ZNF236: variants seen among roughly 807,000 people sequenced by gnomAD.
ZNF236 encodes regulated by glucose.
Under a neutral mutation model 191.2 loss-of-function variants are expected in ZNF236, and 50 were observed. The observed-to-expected ratio is 0.26, with a 90% CI of 0.21 to 0.33. The LOEUF (loss-of-function observed/expected upper bound fraction) is 0.33, where lower values mean the gene tolerates loss of function less well. ZNF236 is among the 10% of genes least tolerant of loss of function. The pLI, the probability that ZNF236 is intolerant of heterozygous loss-of-function variation, is 1.00. For missense variants in ZNF236, 1,754 were observed against 2,374.5 expected (o/e 0.74, Z 5.43); for synonymous variants, 907 against 928.8 (o/e 0.98, Z 0.43).
At chr18:76,877,883 A>G (rs960832905) in intron 6 of ZNF236, 126 bp from the exon 7 acceptor site, 15 of 673,438 alleles carry the variant, frequency 2.2e-5, no homozygotes, top group Non-Finnish European at 3.2e-5. Flanking sequence ...AAAAAAGGTA[A>G]TGTTGAAGGG....
At chr18:76,844,024 G>A (rs1975602323) in intron 1 of ZNF236, among the ~76,000 whole-genome samples, 1 of 151,782 alleles carries the variant, frequency 6.6e-6, no homozygotes, top group Non-Finnish European at 1.5e-5. Flanking sequence ...AGGCTGAGGC[G>A]GCGTCAGGAG....
At chr18:76,936,033 G>A in intron 25 of ZNF236, 1 of 455,198 alleles carries the variant, frequency 2.2e-6, no homozygotes, top group Non-Finnish European at 4.4e-6. Flanking sequence ...ATCTGTGGAG[G>A]CATTGTATTT....
chr18:76,928,612 C>T (rs1599403564), intron 25 of ZNF236, among the ~76,000 whole-genome samples: 1 of 152,184 alleles, frequency 6.6e-6, no homozygotes, highest in South Asian at 2.1e-4. Context: ...CCACCTAAAA[C>T]TGGCAATCTA....
At chr18:76,871,492 T>G (rs1420508240) in intron 4 of ZNF236, among the ~76,000 whole-genome samples, 2 of 151,990 alleles carry the variant, frequency 1.3e-5, no homozygotes, top group African/African-American at 4.8e-5. Context: ...AAAAACAAAT[T>G]TTTTTTCATC....
At chr18:76,854,003 C>T (rs1344399120) in intron 3 of ZNF236, among the ~76,000 whole-genome samples, 2 of 149,624 alleles carry the variant, frequency 1.3e-5, no homozygotes, top group Non-Finnish European at 3.0e-5. Flanking sequence ...GAGCAAGACT[C>T]TGTCTTTAAA....
intron 1 of ZNF236, chr18:76,824,317 T>C (rs1156696945): frequency 2.6e-6 from 2 of 781,102 alleles, no homozygotes; most frequent in Non-Finnish European, 4.8e-6. Flanking sequence ...TACGGAAACG[T>C]TGGTGACCAA....
chr18:76,871,354 G>A (rs1943249), intron 4 of ZNF236, among the ~76,000 whole-genome samples: 64,005 of 151,858 alleles, frequency 0.42, 13,561 homozygotes, highest in East Asian at 0.53. Context: ...ACTGGAGGAG[G>A]TGGTGTGGGT....
chr18:76,863,421 A>T (rs922440101), intron 3 of ZNF236, among the ~76,000 whole-genome samples: 1 of 152,178 alleles, frequency 6.6e-6, no homozygotes, highest in Non-Finnish European at 1.5e-5. Context: ...ACTAAACCTA[A>T]GAAAAAAATC....
chr18:76,885,027 T>A (rs551283743), intron 9 of ZNF236: 1 of 152,278 alleles, frequency 6.6e-6, no homozygotes, highest in South Asian at 2.1e-4. Context: ...TTTTCCCCCC[T>A]AAATTATTAA....
Position 76,878,098 on chromosome 18 carries a change from T to C in ZNF236, c.930T>C (p.His310=). ...TAAACACGCATATCAGCAAGATGCA[T>C]ATGGGTGGGCCACAGAATTCAACAA... is the stretch of plus-strand genomic sequence containing the variant. ...GSLNTHISKM[H]MGGPQNSTSS... The change falls in exon 7 of 31, where the codon CAT becomes CAC. Residue 310 remains histidine (H), a synonymous_variant. Coordinates refer to ENST00000320610, the MANE Select transcript of ZNF236 (RefSeq NM_001306089.2). 1 of 1,613,518 alleles carries C rather than the reference T, an allele frequency of 6.2e-7. No homozygotes were observed. The highest frequency in any genetic ancestry group is 8.5e-7 in the Non-Finnish European group (1 of 1,179,624).
intron 26 of ZNF236, among the ~76,000 whole-genome samples, chr18:76,942,247 C>T (rs1968149391): frequency 1.3e-5 from 2 of 152,176 alleles, no homozygotes. Context: ...GTGAAGAAAT[C>T]AAGTTGTTCA....
Position 76,970,719 on chromosome 18 carries a change from G to T in ZNF236, c.*2380G>T, listed in dbSNP as rs1182257415. On this transcript the variant is annotated 3_prime_UTR_variant, in exon 31 of 31. Coordinates refer to ENST00000320610, the MANE Select transcript of ZNF236 (RefSeq NM_001306089.2). ...GGAATAACTATAAATAAAAGATGAA[G>T]TTAGGAAATGTGATTAATTTTTTTC... The T allele has an allele frequency of 2.0e-5, 3 of 152,306 alleles. No homozygotes were observed. The highest frequency in any genetic ancestry group is 1.3e-4 in the Admixed American group (2 of 15,288). 9.4% of individuals were successfully genotyped at this position (152,306 alleles called of 1,614,324 possible). A position where few individuals can be genotyped will look rare whatever the true frequency, so the allele number is the denominator to read the frequency against.
intron 1 of ZNF236, chr18:76,824,177 G>A: frequency 1.6e-6 from 1 of 634,636 alleles, no homozygotes; most frequent in Non-Finnish European, 2.9e-6. Flanking sequence ...AACTACAAAG[G>A]ATTGTGTTAA....
At chr18:76,930,160 A>T (rs183999475) in intron 25 of ZNF236, among the ~76,000 whole-genome samples, 1 of 152,222 alleles carries the variant, frequency 6.6e-6, no homozygotes, top group South Asian at 2.1e-4. Flanking sequence ...TCTTTTGAAT[A>T]TGGGTCTGCT....
chr18:76,851,072 T>C (rs996661657), intron 2 of ZNF236, among the ~76,000 whole-genome samples: 1 of 76,154 alleles, frequency 1.3e-5, no homozygotes, highest in African/African-American at 3.8e-5. Flanking sequence ...CTCTATTATT[T>C]CAATGAATAG....
At chr18:76,859,752 C>T (rs1976160274) in intron 3 of ZNF236, among the ~76,000 whole-genome samples, 1 of 152,194 alleles carries the variant, frequency 6.6e-6, no homozygotes, top group Non-Finnish European at 1.5e-5. Context: ...TGGGCCTCCT[C>T]ATAAGCTTGT....
intron 30 of ZNF236, among the ~76,000 whole-genome samples, chr18:76,965,472 T>C (rs1968749171): frequency 1.3e-5 from 2 of 152,242 alleles, no homozygotes; most frequent in South Asian, 4.1e-4. Context: ...TGTTTTGTCA[T>C]ATTACCAGAG....
At chr18:76,878,628 C>CACA (rs2122635922) in intron 7 of ZNF236, among the ~76,000 whole-genome samples, 1 of 152,102 alleles carries the variant, frequency 6.6e-6, no homozygotes, top group South Asian at 2.1e-4. Context: ...CGCACACACA[C>CACA]ACACACACAC....
Position 76,912,154 on chromosome 18 carries a change from G to A in ZNF236, c.2806-90G>A, listed in dbSNP as rs1967233002. ...TCTCTTAGATCCACATTTTATGAAT[G>A]TTCTTATCCTTAGTTCTTAGCTGCT... is the stretch of plus-strand genomic sequence containing the variant. On this transcript the variant is annotated intron_variant, in intron 16 of 30. Transcript: ENST00000320610. 5.2e-5 allele frequency: 48 copies of A among 926,980 alleles called. 1 individual carries two copies. In the South Asian group the frequency reaches 6.8e-4, roughly 13 times the overall value. The allele number at this position is 926,980 out of a possible 1,614,324, so 57.4% of individuals were successfully genotyped here.
Sources: allele counts gnomAD v4.1 joint callset (sites outside exome capture counted in the v4.1 genomes callset), GRCh38; gene constraint gnomAD v4.1.1; transcripts MANE v1.5; gene names NCBI Gene and HGNC (gene_info 2026-07-23, HGNC 2026-07-21).